Variants in FAM185A observed in about 807,000 individuals in gnomAD.
The protein encoded by FAM185A is protein FAM185A.
A neutral mutation model predicts 45.7 loss-of-function variants in FAM185A; 21 were observed. That is an observed-to-expected ratio of 0.46 (90% CI 0.33 to 0.66). FAM185A has a LOEUF of 0.66. Among genes scored for constraint, FAM185A ranks in the 30% least tolerant of loss-of-function variants. FAM185A has a pLI of 0.03. For synonymous variants in FAM185A, 117 were observed against 194.0 expected, an observed-to-expected ratio of 0.60 and a Z score of 3.30; for missense variants, 305 against 485.4, an observed-to-expected ratio of 0.63 and a Z score of 3.49.
chr7:102,759,473 T>C (rs1793980270), intron 3 of FAM185A, among the ~76,000 whole-genome samples: 1 of 151,932 alleles, frequency 6.6e-6, no homozygotes, highest in African/African-American at 2.4e-5. Context: ...TTTTAATGTA[T>C]ATTTCTAAGT....
the FAM185A span, chr7:102,834,456 TA>T: frequency 4.9e-5 from 2 of 40,688 alleles, no homozygotes; most frequent in East Asian, 1.5e-3. Flanking sequence ...TATATGTGAT[TA>T]TATATATATA....
At position 102,756,481 on chromosome 7, in the gene FAM185A, C is replaced by T. The variant is rs577340257; in HGVS notation, c.562-1373C>T. 4.4e-3 allele frequency among the ~76,000 whole-genome samples: 667 copies of T among 151,584 alleles called. 1 individual carries two copies. Among genetic ancestry groups the T allele is most frequent in the Non-Finnish European group, 5.7e-3 (387 of 67,796 alleles). ...GACTATCCTGGCCAACACGGTGAAA[C>T]CCCATCTCTACTAAAAATACAAAAA... On this transcript the variant is annotated intron_variant, in intron 2 of 7. Coordinates refer to ENST00000413034, the MANE Select transcript of FAM185A (RefSeq NM_001145268.2).
chr7:102,836,294 C>A, the FAM185A span, among the ~76,000 whole-genome samples: 13 of 152,318 alleles, frequency 8.5e-5, no homozygotes, highest in African/African-American at 3.1e-4. Flanking sequence ...AGGCTTTATG[C>A]TAAATCAGTG....
intron 4 of FAM185A, among the ~76,000 whole-genome samples, chr7:102,769,860 G>A (rs1794646456): frequency 6.6e-6 from 1 of 151,354 alleles, no homozygotes; most frequent in African/African-American, 2.4e-5. Context: ...TCTTGTAATA[G>A]CTAACCCACT....
chr7:102,794,795 T>C (rs1428283477), intron 7 of FAM185A, among the ~76,000 whole-genome samples: 3 of 152,274 alleles, frequency 2.0e-5, no homozygotes, highest in Admixed American at 6.5e-5. Context: ...ATATGACTCA[T>C]GGTATGTCCA....
intron 2 of FAM185A, among the ~76,000 whole-genome samples, chr7:102,754,769 C>T (rs1793595131): frequency 6.6e-6 from 1 of 152,254 alleles, no homozygotes; most frequent in African/African-American, 2.4e-5. Flanking sequence ...GTACAGCATC[C>T]TTAGGGAATA....
chr7:102,786,421 A>C (rs1248787168), intron 6 of FAM185A, among the ~76,000 whole-genome samples: 1 of 152,244 alleles, frequency 6.6e-6, no homozygotes, highest in African/African-American at 2.4e-5. Context: ...AAAGACTTGG[A>C]ACCAACCCAA....
intron 6 of FAM185A, among the ~76,000 whole-genome samples, chr7:102,784,632 A>G (rs1795653745): frequency 6.6e-6 from 1 of 152,118 alleles, no homozygotes; most frequent in Non-Finnish European, 1.5e-5. Flanking sequence ...AAATTCAACA[A>G]CGCTTCATGC....
At chr7:102,834,081 G>GAAGGAAGGAAGGAAGGA in the FAM185A span, among the ~76,000 whole-genome samples, 1 of 84,920 alleles carries the variant, frequency 1.2e-5, no homozygotes, top group African/African-American at 5.9e-5. Flanking sequence ...AGGAAGGAAG[G>GAAGGAAGGAAGGAAGGA]AAAGAAAAGA....
At chr7:102,844,941 C>A in the FAM185A span, among the ~76,000 whole-genome samples, 2 of 152,158 alleles carry the variant, frequency 1.3e-5, no homozygotes, top group African/African-American at 4.8e-5. Flanking sequence ...TACCAATGAA[C>A]AGCCAGATGA....
At chr7:102,810,708 T>A (rs529087958), downstream of FAM185A, among the ~76,000 whole-genome samples, 1 of 152,260 alleles carries the variant, frequency 6.6e-6, no homozygotes, top group Non-Finnish European at 1.5e-5. Flanking sequence ...TCCTCCTGCC[T>A]CAGCCTCCTG....
intron 5 of FAM185A, among the ~76,000 whole-genome samples, chr7:102,776,972 A>G (rs1238730814): frequency 2.6e-5 from 4 of 151,914 alleles, no homozygotes; most frequent in African/African-American, 9.7e-5. Flanking sequence ...TTACTTGCAG[A>G]CTCTCCTTCC....
chr7:102,769,968 C>G (rs1309124785), intron 4 of FAM185A, among the ~76,000 whole-genome samples: 1 of 152,162 alleles, frequency 6.6e-6, no homozygotes, highest in Non-Finnish European at 1.5e-5. Flanking sequence ...GGTCCCACCT[C>G]ATAGTATTGC....
At chr7:102,834,128 AAG>A in the FAM185A span, among the ~76,000 whole-genome samples, 1 of 104,754 alleles carries the variant, frequency 9.5e-6, no homozygotes, top group Non-Finnish European at 1.9e-5. Context: ...GAAAGAAAGA[AAG>A]AAAGAAAGAA....
the FAM185A span, chr7:102,832,886 A>AT: frequency 6.2e-7 from 1 of 1,614,226 alleles, no homozygotes; most frequent in Non-Finnish European, 8.5e-7. Context: ...AATGCAGTAA[A>AT]TGGCCAGTGC....
chr7:102,826,817 C>G, the FAM185A span, among the ~76,000 whole-genome samples: 1 of 128,356 alleles, frequency 7.8e-6, no homozygotes, highest in East Asian at 2.1e-4. Context: ...ATAAATGTAT[C>G]TTATATATAA....
chr7:102,827,681 G>A, the FAM185A span, among the ~76,000 whole-genome samples: 8 of 151,262 alleles, frequency 5.3e-5, 1 homozygote, highest in Admixed American at 2.6e-4. Flanking sequence ...CCCCCCTCCC[G>A]CCACCCCACA....
intron 7 of FAM185A, among the ~76,000 whole-genome samples, chr7:102,788,700 A>G (rs1198590918): frequency 1.3e-5 from 2 of 152,226 alleles, no homozygotes; most frequent in African/African-American, 4.8e-5. Context: ...ATGTGTTATT[A>G]GGCAATTTTG....
intron 4 of FAM185A, among the ~76,000 whole-genome samples, chr7:102,761,671 CTTTT>C (rs536698581): frequency 6.8e-6 from 1 of 147,824 alleles, no homozygotes; most frequent in Non-Finnish European, 1.5e-5. Context: ...TTTCTTTTTT[CTTTT>C]TTTTTTGAGA....
Sources: gnomAD v4.1 joint callset for allele counts (sites outside exome capture counted in the v4.1 genomes callset) on GRCh38, gnomAD v4.1.1 for gene constraint, MANE v1.5 for transcripts, NCBI Gene and HGNC (gene_info 2026-07-23, HGNC 2026-07-21) for gene names.